Variants in CEPT1 observed in about 807,000 individuals in gnomAD.
CEPT1 encodes choline/ethanolamine phosphotransferase 1.
CEPT1 carries 7 observed loss-of-function variants against 42.6 expected under a neutral mutation model. The observed-to-expected ratio is 0.16, with a 90% CI of 0.09 to 0.31. CEPT1 has a LOEUF of 0.31. Among genes scored for constraint, CEPT1 ranks in the 10% least tolerant of loss-of-function variants. The pLI, the probability that CEPT1 is intolerant of heterozygous loss-of-function variation, is 1.00. For synonymous variants in CEPT1, 171 were observed against 171.9 expected, an observed-to-expected ratio of 0.99 and a Z score of 0.04; for missense variants, 306 against 502.1, an observed-to-expected ratio of 0.61 and a Z score of 3.73.
intron 2 of CEPT1, among the ~76,000 whole-genome samples, chr1:111,149,266 C>CTTTTTTTTTTTTTTTTTTTTTTTTT (rs775722606): frequency 3.9e-5 from 5 of 127,918 alleles, no homozygotes; most frequent in Non-Finnish European, 6.4e-5. Context: ...GGTTTCTCCT[C>CTTTTTTTTTTTTTTTTTTTTTTTTT]TTTTTTTTTT....
intron 5 of CEPT1, chr1:111,178,161 C>G (rs889693362): frequency 2.6e-5 from 4 of 152,100 alleles, no homozygotes; most frequent in African/African-American, 9.7e-5. Flanking sequence ...AAGATATTTA[C>G]TTAGGGTTCA....
Position 111,150,754 on chromosome 1 carries a change from C to T in CEPT1, c.339+2701C>T, listed in dbSNP as rs185852830. On this transcript the variant is annotated intron_variant, in intron 2 of 8. Coordinates refer to ENST00000357172, the MANE Select transcript of CEPT1 (RefSeq NM_006090.5). ...GTTTCTTTTCTTAGAAAAAGCAATCCTCCTAGTAGATAAGAAAATAAGTTA... is the reference window on the plus strand; with the variant it reads ...GTTTCTTTTCTTAGAAAAAGCAATCTTCCTAGTAGATAAGAAAATAAGTTA... 4.6e-5 allele frequency among the ~76,000 whole-genome samples: 7 copies of T among 152,244 alleles called. No individual in the cohort carries two copies. In the East Asian group the frequency reaches 1.2e-3, roughly 25 times the overall value.
At chr1:111,163,617 A>AG (rs1305368573) in intron 4 of CEPT1, among the ~76,000 whole-genome samples, 2 of 151,896 alleles carry the variant, frequency 1.3e-5, no homozygotes, top group East Asian at 1.9e-4. Context: ...AAAAAAAAAA[A>AG]GAAATGCAGG....
intron 4 of CEPT1, among the ~76,000 whole-genome samples, chr1:111,168,824 TAGGG>T (rs2101350804): frequency 6.6e-6 from 1 of 152,294 alleles, no homozygotes; most frequent in South Asian, 2.1e-4. Context: ...GACAAATTCA[TAGGG>T]AGGGATATTC....
intron 5 of CEPT1, 28 bp from the exon 6 acceptor site, chr1:111,182,159 A>C (rs1051668641): frequency 2.0e-6 from 3 of 1,532,540 alleles, no homozygotes; most frequent in Non-Finnish European, 2.7e-6. Context: ...TATATGTTTT[A>C]ATTGTTTTCT....
At chr1:111,178,614 T>G (rs1186262116) in intron 5 of CEPT1, 1 of 152,130 alleles carries the variant, frequency 6.6e-6, no homozygotes, top group Non-Finnish European at 1.5e-5. Context: ...TTCTATCATA[T>G]CACTCTTTAA....
At chr1:111,161,948 A>G (rs1417113175) in intron 4 of CEPT1, among the ~76,000 whole-genome samples, 1 of 152,256 alleles carries the variant, frequency 6.6e-6, no homozygotes, top group Non-Finnish European at 1.5e-5. Flanking sequence ...GTGATTTGAT[A>G]TCACAGCTTT....
chr1:111,180,273 A>G (rs1425659770), intron 5 of CEPT1: 2 of 152,092 alleles, frequency 1.3e-5, no homozygotes, highest in Non-Finnish European at 2.9e-5. Flanking sequence ...TGCCAGAGAG[A>G]TCTTTTGTCT....
At chr1:111,175,006 C>A (rs765339962) in intron 5 of CEPT1, 43 bp downstream of exon 5, 41 of 1,180,378 alleles carry the variant, frequency 3.5e-5, no homozygotes, top group Middle Eastern at 1.9e-4. Context: ...TGCATGTTGT[C>A]TTTTGCTTGT....
intron 4 of CEPT1, among the ~76,000 whole-genome samples, chr1:111,166,747 T>C (rs1484016013): frequency 6.6e-6 from 1 of 152,204 alleles, no homozygotes. Context: ...AGATCAGTTC[T>C]GGTGCTAAAG....
chr1:111,156,904 A>G (rs528979313), intron 2 of CEPT1, among the ~76,000 whole-genome samples: 1 of 152,216 alleles, frequency 6.6e-6, no homozygotes, highest in Admixed American at 6.5e-5. Context: ...GCAAGATTTT[A>G]CAAGTTGGTT....
chr1:111,180,572 T>G (rs1213728123), intron 5 of CEPT1: 1 of 152,188 alleles, frequency 6.6e-6, no homozygotes, highest in East Asian at 1.9e-4. Flanking sequence ...CTAGTTAATT[T>G]TAGAACTAGG....
chr1:111,169,960 T>C (rs1656340164), intron 4 of CEPT1, among the ~76,000 whole-genome samples: 1 of 152,182 alleles, frequency 6.6e-6, no homozygotes, highest in Non-Finnish European at 1.5e-5. Context: ...AATGGTGATA[T>C]TTCCTACCTC....
intron 2 of CEPT1, among the ~76,000 whole-genome samples, chr1:111,148,543 C>T (rs1454661246): frequency 6.6e-6 from 1 of 152,092 alleles, no homozygotes; most frequent in Non-Finnish European, 1.5e-5. Context: ...GCTTATTCTT[C>T]TAACAACTGT....
intron 5 of CEPT1, among the ~76,000 whole-genome samples, chr1:111,178,034 C>T (rs1656775635): frequency 6.6e-6 from 1 of 152,048 alleles, no homozygotes; most frequent in African/African-American, 2.4e-5. Context: ...TTATTTTTTT[C>T]TTTTTACTTA....
intron 1 of CEPT1, among the ~76,000 whole-genome samples, chr1:111,146,528 C>G (rs1654977450): frequency 6.6e-6 from 1 of 152,072 alleles, no homozygotes; most frequent in Non-Finnish European, 1.5e-5. Flanking sequence ...ATAGAAATTA[C>G]TTATAGATTT....
At chr1:111,153,825 A>G (rs1418198743) in intron 2 of CEPT1, among the ~76,000 whole-genome samples, 2 of 152,136 alleles carry the variant, frequency 1.3e-5, no homozygotes, top group African/African-American at 4.8e-5. Flanking sequence ...ATGTCTTTTT[A>G]TACCAATATC....
intron 2 of CEPT1, 27 bp from the exon 3 acceptor site, chr1:111,159,353 T>G (rs747476387): frequency 1.9e-6 from 3 of 1,597,220 alleles, no homozygotes; most frequent in African/African-American, 1.4e-5. Context: ...GTCTGAATAC[T>G]CTTGCCTTTC....
At chr1:111,161,439 T>C (rs1655868565) in intron 4 of CEPT1, 143 bp downstream of exon 4, 1 of 748,896 alleles carries the variant, frequency 1.3e-6, no homozygotes, top group East Asian at 2.9e-5. Flanking sequence ...ATTATAGCTA[T>C]TTCCTAATAG....
Sources: allele counts gnomAD v4.1 joint callset (sites outside exome capture counted in the v4.1 genomes callset), GRCh38; gene constraint gnomAD v4.1.1; transcripts MANE v1.5; gene names NCBI Gene and HGNC (gene_info 2026-07-23, HGNC 2026-07-21).